The following RLBP1 variants were observed in gnomAD, a reference collection of about 807,000 sequenced individuals.
RLBP1 encodes the protein retinaldehyde-binding protein 1.
RLBP1 carries 26 observed loss-of-function variants against 36.2 expected under a neutral mutation model. The ratio of observed to expected loss-of-function variants is 0.72; its 90% CI spans 0.53 to 1.00. The LOEUF (loss-of-function observed/expected upper bound fraction) is 1.00. Among genes scored for constraint, RLBP1 ranks in the 50% least tolerant of loss-of-function variants. RLBP1 has a pLI of 0.00. For synonymous variants in RLBP1, 155 were observed against 156.2 expected (o/e 0.99, Z 0.06); for missense variants, 410 against 402.4 (o/e 1.02, Z -0.16).
At chr15:89,216,484 G>A (rs1251482396) in intron 5 of RLBP1, among the ~76,000 whole-genome samples, 1 of 152,090 alleles carries the variant, frequency 6.6e-6, no homozygotes, top group South Asian at 2.1e-4. Flanking sequence ...CACCACGCCC[G>A]GCTAGTTTTG....
intron 5 of RLBP1, 38 bp downstream of exon 5, chr15:89,217,082 C>T: frequency 6.2e-7 from 1 of 1,604,962 alleles, no homozygotes; most frequent in African/African-American, 1.3e-5. Flanking sequence ...CATGGCCTCC[C>T]GTCTTCCCAG....
Position 89,218,848 on chromosome 15 carries a change from G to A in RLBP1, c.12+116C>T, listed in dbSNP as rs1791558211. The stretch of plus-strand genomic sequence containing the variant: ...GGACCCACACAGGGGTTATAGAAGT[G>A]TGTGCCTATATTCCCGGGCAGAGCA... On this transcript the variant is annotated intron_variant, in intron 3 of 8. Coordinates refer to ENST00000268125, the MANE Select transcript of RLBP1 (RefSeq NM_000326.5). The surrounding 1 kb of genome is among the most constrained non-coding windows in gnomAD (Gnocchi z 4.6). The A allele has an allele frequency of 2.0e-6, 3 of 1,499,266 alleles. No homozygotes were observed. In the South Asian group the frequency reaches 3.4e-5, roughly 17 times the overall value. 92.9% of individuals were successfully genotyped at this position (1,499,266 alleles called of 1,614,324 possible). A position where few individuals can be genotyped will look rare whatever the true frequency, so the allele number is the denominator to read the frequency against.
At chr15:89,219,260 G>T (rs925959564) in intron 2 of RLBP1, among the ~76,000 whole-genome samples, 185 bp from the exon 3 acceptor site, 7 of 152,172 alleles carry the variant, frequency 4.6e-5, no homozygotes, top group Non-Finnish European at 7.4e-5. Flanking sequence ...ACTTCCTGGT[G>T]GCTCTGAGGG....
chr15:89,214,239 T>C lies in RLBP1; in HGVS notation c.525+821A>G, dbSNP rs1224910250. 6.6e-6 allele frequency among the ~76,000 whole-genome samples: 1 copy of C among 152,094 alleles called. No individual in the cohort carries two copies. Among genetic ancestry groups the C allele is most frequent in the East Asian group, 1.9e-4 (1 of 5,182 alleles). On this transcript the variant is annotated intron_variant, in intron 6 of 8. Transcript: ENST00000268125. The surrounding 1 kb of genome is among the most constrained non-coding windows in gnomAD (Gnocchi z 4.6). The stretch of plus-strand genomic sequence containing the variant: ...ACTTTGGGAGGCCGAGGTGGGCGGA[T>C]CACTTGAGCTCAGGAGTTTGAGACC...
In RLBP1 at chr15:89,211,712, G is replaced by C. The variant is rs763897482; in HGVS notation, c.684+31C>G. The C allele has an allele frequency of 4.3e-6, 7 of 1,611,306 alleles. No individual in the cohort carries two copies. The African/African-American group carries it at 6.7e-5, about 15-fold the overall frequency. ...CCTCTCAGCCTCCCCAGCTGTGGGAGGCTGCCGTGCGACAGAACTCTAAGC... is the reference window on the plus strand; with the variant it reads ...CCTCTCAGCCTCCCCAGCTGTGGGACGCTGCCGTGCGACAGAACTCTAAGC... On this transcript the variant is annotated intron_variant, in intron 7 of 8. Transcript: ENST00000268125. This position sits in a 1 kb window ranked among gnomAD's most constrained non-coding sequence, Gnocchi z 5.8.
rs138965708 is a variant in RLBP1, at chr15:89,211,825, A to G, written c.602T>C (p.Ile201Thr). The G allele has an allele frequency of 6.6e-5, 107 of 1,614,132 alleles. No individual in the cohort carries two copies. The highest frequency in any genetic ancestry group is 8.6e-5 in the Non-Finnish European group (102 of 1,180,056). The stretch of plus-strand genomic sequence containing the variant: ...CATGGTAAAGCCCTTGAAGTTCTCA[A>G]TGATGCAGAAGCCATTGATTTGAGT... ...EETQINGFCI[I>T]ENFKGFTMQQ... is the part of the protein sequence containing the mutation. Residue 201 changes from isoleucine to threonine, a missense_variant, in exon 7 of 9, where the codon ATT (isoleucine) becomes ACT (threonine). Physicochemically the swap from Ile to Thr is moderately conservative, Grantham distance 89. Transcript: ENST00000268125. The surrounding 1 kb of genome is among the most constrained non-coding windows in gnomAD (Gnocchi z 5.8).
In RLBP1 at chr15:89,220,510, G is replaced by A. The variant is rs149207656; in HGVS notation, c.-223-651C>T. ...ACTTGGAGGACCCCCATAGAGTATCGGAGGGTCCCCCATTTCCTGCTCTTT... is the reference window on the plus strand; with the variant it reads ...ACTTGGAGGACCCCCATAGAGTATCAGAGGGTCCCCCATTTCCTGCTCTTT... On this transcript the variant is annotated intron_variant, in intron 1 of 8. Coordinates refer to ENST00000268125, the MANE Select transcript of RLBP1 (RefSeq NM_000326.5). Among the ~76,000 whole-genome samples, 758 of 152,226 alleles carry A rather than the reference G, an allele frequency of 5.0e-3. 3 individuals are homozygous for A. Among genetic ancestry groups the A allele is most frequent in the East Asian group, 0.016 (85 of 5,176 alleles).
rs2051606363 is a variant in RLBP1, at chr15:89,219,038, T to C, written c.-63A>G. On this transcript the variant is annotated 5_prime_UTR_variant, in exon 3 of 9. Transcript: ENST00000268125. ...GGGATCTGCTTTCTCTGTCCTGGCC[T>C]CTCCAGCCGGCCCCTTCCCTAGGAT... 5 of 1,609,402 alleles carry C rather than the reference T, an allele frequency of 3.1e-6. No homozygotes were observed. In the Admixed American group the frequency reaches 8.3e-5, roughly 27 times the overall value.
Position 89,215,191 on chromosome 15 carries a change from A to G in RLBP1, c.394T>C (p.Ser132Pro). 1 of 1,614,186 alleles carries G rather than the reference A, an allele frequency of 6.2e-7. No individual in the cohort carries two copies. ...ATGGTGCAGCGGACAGCCTCTGGGG[A>G]CAGGCTGTCAAAGAGCTCAGGGTAC... ...LQYPELFDSLSPEAVRCTIEA... is the reference protein window; with the variant it reads ...LQYPELFDSLPPEAVRCTIEA... Residue 132 changes from serine (S) to proline (P), a missense_variant, in exon 6 of 9, where the codon TCC (serine) becomes CCC (proline). Transcript: ENST00000268125.
At chr15:89,219,176 G>T in intron 2 of RLBP1, 101 bp from the exon 3 acceptor site, 6 of 665,112 alleles carry the variant, frequency 9.0e-6, no homozygotes, top group Non-Finnish European at 1.6e-5. Flanking sequence ...AGAAACGCAG[G>T]TGCCTGGGTC....
rs553757368 is a variant in RLBP1, at chr15:89,211,788, A to G, written c.639T>C (p.Ala213=). The change falls in exon 7 of 9, where the codon GCT becomes GCC. Residue 213 remains alanine, a synonymous_variant. Coordinates refer to ENST00000268125, the MANE Select transcript of RLBP1 (RefSeq NM_000326.5). This position sits in a 1 kb window ranked among gnomAD's most constrained non-coding sequence, Gnocchi z 5.8. ...NFKGFTMQQA[A]SLRTSDLRKM... ...TCCTGAGATCTGAAGTCCGGAGACT[A>G]GCAGCCTGCTGCATGGTAAAGCCCT... The G allele has an allele frequency of 2.3e-5, 37 of 1,614,184 alleles. No homozygotes were observed. The highest frequency in any genetic ancestry group is 2.8e-5 in the Non-Finnish European group (33 of 1,180,016).
chr15:89,211,478 G>A lies in RLBP1; in HGVS notation c.684+265C>T, dbSNP rs964808232. ...ACCTCGAGATGTCTCTTAAATCTCT[G>A]AGCCTTCGTTTCCAGGTTTGAAAAA... is the stretch of plus-strand genomic sequence containing the variant. On this transcript the variant is annotated intron_variant, in intron 7 of 8. Transcript: ENST00000268125. This position sits in a 1 kb window ranked among gnomAD's most constrained non-coding sequence, Gnocchi z 5.8. Among the ~76,000 whole-genome samples, 3 of 152,266 alleles carry A rather than the reference G, an allele frequency of 2.0e-5. No homozygotes were observed. Among genetic ancestry groups the A allele is most frequent in the East Asian group, 3.9e-4 (2 of 5,188 alleles).
Position 89,210,334 on chromosome 15 carries a change from G to A in RLBP1, c.905C>T (p.Ala302Val). Residue 302 changes from alanine to valine, a missense_variant, in exon 9 of 9, where the codon GCT (alanine) becomes GTT (valine). By Grantham distance (64) the Ala-to-Val change is moderately conservative. Coordinates refer to ENST00000268125, the MANE Select transcript of RLBP1 (RefSeq NM_000326.5). This position sits in a 1 kb window ranked among gnomAD's most constrained non-coding sequence, Gnocchi z 4.7. The stretch of plus-strand genomic sequence containing the variant: ...GGCCTGGGGGCCAAAGAGCTGCTCA[G>A]CAACGGCCTTGCCATCATACTTGGG... ...TLPKYDGKAV[A>V]EQLFGPQAQA... 6.2e-6 allele frequency: 10 copies of A among 1,614,230 alleles called. No individual in the cohort carries two copies. The highest frequency in any genetic ancestry group is 8.5e-6 in the Non-Finnish European group (10 of 1,180,048).
chr15:89,211,519 G>A lies in RLBP1; in HGVS notation c.684+224C>T, dbSNP rs1415113062. Among the ~76,000 whole-genome samples, 2 of 152,198 alleles carry A rather than the reference G, an allele frequency of 1.3e-5. No homozygotes were observed. The highest frequency in any genetic ancestry group is 2.9e-5 in the Non-Finnish European group (2 of 68,040). ...GTTTGAAAAATGAAGCAGGGAAGGA[G>A]GGAGAGAATGCTCTCAAGGAGTCGA... On this transcript the variant is annotated intron_variant, in intron 7 of 8. Transcript: ENST00000268125. The surrounding 1 kb of genome is among the most constrained non-coding windows in gnomAD (Gnocchi z 5.8).
Position 89,214,542 on chromosome 15 carries a change from C to T in RLBP1, c.525+518G>A, listed in dbSNP as rs562272603. ...GGAATCTTTTTCAGGCTCAGTGGCG[C>T]ATGCCAAAGTTCTCCCAAGACAAAC... On this transcript the variant is annotated intron_variant, in intron 6 of 8. Coordinates refer to ENST00000268125, the MANE Select transcript of RLBP1 (RefSeq NM_000326.5). This position sits in a 1 kb window ranked among gnomAD's most constrained non-coding sequence, Gnocchi z 4.6. Among the ~76,000 whole-genome samples, 5 of 152,248 alleles carry T rather than the reference C, an allele frequency of 3.3e-5. No individual in the cohort carries two copies. The South Asian group carries it at 1.0e-3, about 32-fold the overall frequency.
In RLBP1 at chr15:89,218,503, A is replaced by G; in HGVS notation, c.141+62T>C. The G allele has an allele frequency of 6.2e-7, 1 of 1,610,258 alleles. No homozygotes were observed. Among genetic ancestry groups the G allele is most frequent in the Non-Finnish European group, 8.5e-7 (1 of 1,177,280 alleles). On this transcript the variant is annotated intron_variant, in intron 4 of 8. Coordinates refer to ENST00000268125, the MANE Select transcript of RLBP1 (RefSeq NM_000326.5). This position sits in a 1 kb window ranked among gnomAD's most constrained non-coding sequence, Gnocchi z 4.6. ...ACCCTTTTCACAGGAGAGAGAATGCAGTCATGTTCCCCTCATGTTGCCTCC... is the reference window on the plus strand; with the variant it reads ...ACCCTTTTCACAGGAGAGAGAATGCGGTCATGTTCCCCTCATGTTGCCTCC...
intron 1 of RLBP1, among the ~76,000 whole-genome samples, chr15:89,220,314 C>T (rs553879743): frequency 6.6e-6 from 1 of 152,298 alleles, no homozygotes; most frequent in South Asian, 2.1e-4. Context: ...CTTTCTGGGT[C>T]TCAGTTTCCT....
chr15:89,218,034 C>A lies in RLBP1; in HGVS notation c.141+531G>T, dbSNP rs2051596359. 6.6e-6 allele frequency among the ~76,000 whole-genome samples: 1 copy of A among 152,176 alleles called. No individual in the cohort carries two copies. The highest frequency in any genetic ancestry group is 6.5e-5 in the Admixed American group (1 of 15,292). ...CAGAGATGGAAGCTGGGTGCCCAGG[C>A]TCAGCTCAGCCACTTCTCATCCTCC... is the stretch of plus-strand genomic sequence containing the variant. On this transcript the variant is annotated intron_variant, in intron 4 of 8. Coordinates refer to ENST00000268125, the MANE Select transcript of RLBP1 (RefSeq NM_000326.5). The surrounding 1 kb of genome is among the most constrained non-coding windows in gnomAD (Gnocchi z 4.6).
intron 5 of RLBP1, among the ~76,000 whole-genome samples, chr15:89,216,134 C>G (rs905702333): frequency 6.6e-6 from 1 of 152,140 alleles, no homozygotes; most frequent in African/African-American, 2.4e-5. Flanking sequence ...GGGAACTTGT[C>G]TGTTTTGTCT....
Sources: allele counts gnomAD v4.1 joint callset (sites outside exome capture counted in the v4.1 genomes callset), GRCh38; gene constraint gnomAD v4.1.1; non-coding constraint Gnocchi (gnomAD v3.1); transcripts MANE v1.5; gene names NCBI Gene and HGNC (gene_info 2026-07-23, HGNC 2026-07-21).